Variants in RGS7 observed in about 807,000 individuals in gnomAD.
RGS7 encodes the protein regulator of G-protein signaling 7.
Under a neutral mutation model 81.1 loss-of-function variants are expected in RGS7, and 27 were observed. The ratio of observed to expected loss-of-function variants is 0.33; its 90% CI spans 0.25 to 0.46. The LOEUF (loss-of-function observed/expected upper bound fraction) is 0.46. Among genes scored for constraint, RGS7 ranks in the 20% least tolerant of loss-of-function variants. RGS7 has a pLI of 1.00. For missense variants in RGS7, 396 were observed against 607.4 expected, an observed-to-expected ratio of 0.65 and a Z score of 3.66; for synonymous variants, 208 against 207.7, an observed-to-expected ratio of 1.00 and a Z score of -0.01.
Position 240,868,717 on chromosome 1 carries a change from T to A in RGS7, c.528-49A>T. Reference sequence around the variant, plus strand: ...AACATTTAGTATTAATTGTAGTGCCTCTCTGAACAAAAAGGCCACAACTGG... The same window carrying A: ...AACATTTAGTATTAATTGTAGTGCCACTCTGAACAAAAAGGCCACAACTGG... On this transcript the variant is annotated intron_variant, in intron 8 of 18. Coordinates refer to ENST00000440928, the MANE Select transcript of RGS7 (RefSeq NM_001364886.1). The surrounding 1 kb of genome is among the most constrained non-coding windows in gnomAD (Gnocchi z 5.1). 1 of 1,610,574 alleles carries A rather than the reference T, an allele frequency of 6.2e-7. No homozygotes were observed. Among genetic ancestry groups the A allele is most frequent in the Non-Finnish European group, 8.5e-7 (1 of 1,176,804 alleles).
At chr1:241,117,077 T>C (rs1198357501) in intron 2 of RGS7, among the ~76,000 whole-genome samples, 4 of 152,090 alleles carry the variant, frequency 2.6e-5, no homozygotes. Flanking sequence ...TTGCAAAGCA[T>C]TACAATGGAA....
intron 2 of RGS7, among the ~76,000 whole-genome samples, chr1:241,350,881 C>CAGCT (rs2083206620): frequency 6.6e-6 from 1 of 152,124 alleles, no homozygotes; most frequent in East Asian, 1.9e-4. Flanking sequence ...TAGAATATGT[C>CAGCT]AGCTAGCTCA....
intron 9 of RGS7, among the ~76,000 whole-genome samples, chr1:240,858,253 C>T (rs565823058): frequency 1.5e-4 from 23 of 152,212 alleles, no homozygotes; most frequent in African/African-American, 4.6e-4. Context: ...TGGGTAAATA[C>T]GAAGGAGTGG....
intron 10 of RGS7, 116 bp downstream of exon 10, chr1:240,826,982 G>A: frequency 1.2e-6 from 1 of 864,112 alleles, no homozygotes; most frequent in South Asian, 1.4e-5. Context: ...GGCTGTGGAA[G>A]GCTGGGAAGA....
chr1:240,994,383 C>A (rs767867639), intron 3 of RGS7, among the ~76,000 whole-genome samples: 1 of 152,158 alleles, frequency 6.6e-6, no homozygotes, highest in Non-Finnish European at 1.5e-5. Context: ...GCATACAAGT[C>A]CTGAACAAAC....
At chr1:241,156,576 G>A (rs2069168661) in intron 2 of RGS7, among the ~76,000 whole-genome samples, 1 of 146,156 alleles carries the variant, frequency 6.8e-6, no homozygotes, top group Non-Finnish European at 1.5e-5. Flanking sequence ...AAGGGAAAGG[G>A]GAGAGGAGGG....
chr1:240,956,868 A>C (rs1680521908), intron 4 of RGS7, among the ~76,000 whole-genome samples: 1 of 152,152 alleles, frequency 6.6e-6, no homozygotes, highest in African/African-American at 2.4e-5. Context: ...AAAAAACGTT[A>C]AACAAATCCT....
intron 2 of RGS7, among the ~76,000 whole-genome samples, chr1:241,269,369 C>A (rs982562736): frequency 6.6e-6 from 1 of 152,222 alleles, no homozygotes; most frequent in African/African-American, 2.4e-5. Flanking sequence ...TAAAAATAAA[C>A]CTGGAAGAGC....
At chr1:241,165,209 C>T (rs555352849) in intron 2 of RGS7, among the ~76,000 whole-genome samples, 1 of 152,300 alleles carries the variant, frequency 6.6e-6, no homozygotes, top group South Asian at 2.1e-4. Context: ...AAGTAGCATA[C>T]ACACATATGC....
intron 2 of RGS7, among the ~76,000 whole-genome samples, chr1:241,350,825 T>C (rs1474056219): frequency 1.3e-5 from 2 of 151,378 alleles, no homozygotes; most frequent in East Asian, 1.9e-4. Flanking sequence ...ACCCTCAGCG[T>C]TGACCAGATG....
chr1:240,960,253 G>C (rs1163551961), intron 4 of RGS7, among the ~76,000 whole-genome samples: 4 of 34,604 alleles, frequency 1.2e-4, no homozygotes, highest in African/African-American at 4.0e-4. Context: ...TGTTGTTGGG[G>C]TTTTTTTTGA....
At chr1:241,285,117 G>A (rs899563218) in intron 2 of RGS7, among the ~76,000 whole-genome samples, 13 of 152,082 alleles carry the variant, frequency 8.5e-5, no homozygotes, top group African/African-American at 1.7e-4. Context: ...TGATCCACCC[G>A]CCTCAGCCTC....
intron 3 of RGS7, among the ~76,000 whole-genome samples, chr1:240,997,615 A>C (rs1687489884): frequency 6.6e-6 from 1 of 152,212 alleles, no homozygotes; most frequent in African/African-American, 2.4e-5. Flanking sequence ...ATTTGAGGTC[A>C]GGAGTTCGAG....
intron 2 of RGS7, among the ~76,000 whole-genome samples, chr1:241,314,008 T>G (rs1242630849): frequency 1.3e-5 from 2 of 152,204 alleles, no homozygotes; most frequent in Non-Finnish European, 2.9e-5. Flanking sequence ...GAGGACTTGC[T>G]TCTTATGAAT....
In RGS7 at chr1:241,098,725, T is replaced by C; in HGVS notation, c.116A>G (p.Asn39Ser). 6.2e-7 allele frequency: 1 copy of C among 1,612,614 alleles called. No homozygotes were observed. Among genetic ancestry groups the C allele is most frequent in the Non-Finnish European group, 8.5e-7 (1 of 1,179,020 alleles). Residue 39 changes from asparagine to serine, a missense_variant, in exon 3 of 19, where the codon AAT becomes AGT. Transcript: ENST00000440928. ...DVIARMQDEK[N>S]GIPIRTVKSF... ...TTTGACCGTACGAATAGGAATTCCA[T>C]TTTTTTCATCTTGCATCCGTGCTAT...
intron 2 of RGS7, among the ~76,000 whole-genome samples, chr1:241,240,178 A>G (rs1173994233): frequency 1.3e-5 from 2 of 152,226 alleles, no homozygotes; most frequent in Non-Finnish European, 2.9e-5. Flanking sequence ...AAAGTGTTTT[A>G]GAAGGAAAAA....
chr1:241,137,990 G>A (rs2067644741), intron 2 of RGS7, among the ~76,000 whole-genome samples: 1 of 152,038 alleles, frequency 6.6e-6, no homozygotes, highest in South Asian at 2.1e-4. Context: ...GGCCAACATG[G>A]TGAAACCCCA....
At chr1:241,078,344 T>G (rs531533212) in intron 3 of RGS7, among the ~76,000 whole-genome samples, 1 of 126,832 alleles carries the variant, frequency 7.9e-6, no homozygotes, top group Non-Finnish European at 1.6e-5. Context: ...TGTGTGTGTG[T>G]GGCATAAACT....
chr1:241,105,746 T>C (rs530841809), intron 2 of RGS7, among the ~76,000 whole-genome samples: 3 of 152,220 alleles, frequency 2.0e-5, no homozygotes, highest in Non-Finnish European at 4.4e-5. Flanking sequence ...GCAAAACATT[T>C]GTTATGAAGT....
Sources: allele counts gnomAD v4.1 joint callset (sites outside exome capture counted in the v4.1 genomes callset), GRCh38; gene constraint gnomAD v4.1.1; non-coding constraint Gnocchi (gnomAD v3.1); transcripts MANE v1.5; gene names NCBI Gene and HGNC (gene_info 2026-07-23, HGNC 2026-07-21).